PLXND1: variants seen among roughly 807,000 people sequenced by gnomAD.
The protein encoded by PLXND1 is plexin D1.
A neutral mutation model predicts 197.7 loss-of-function variants in PLXND1; 54 were observed. The ratio of observed to expected loss-of-function variants is 0.27; its 90% confidence interval spans 0.22 to 0.34. PLXND1 has a LOEUF of 0.34. Ranked by LOEUF, PLXND1 falls within the 10% of genes least tolerant of loss-of-function variation. PLXND1 has a pLI of 1.00. For synonymous variants in PLXND1, 1,180 were observed against 1,161.2 expected, an observed-to-expected ratio of 1.02 and a Z score of -0.33; for missense variants, 2,127 against 2,699.2, an observed-to-expected ratio of 0.79 and a Z score of 4.70.
In PLXND1 at chr3:129,572,831, C is replaced by T. The variant is rs754940239; in HGVS notation, c.2937+11G>A. ...GGGCGGGCCGGACAGTGGGCTGCAG[C>T]CCCCCCTTACCACGTAGGAGAAGCG... On this transcript the variant is annotated intron_variant, in intron 14 of 35. Transcript: ENST00000324093. 1 of 1,603,476 alleles carries T rather than the reference C, an allele frequency of 6.2e-7. No individual in the cohort carries two copies. Among genetic ancestry groups the T allele is most frequent in the Non-Finnish European group, 8.5e-7 (1 of 1,177,058 alleles).
rs773416517 is a variant in PLXND1 at position 129,558,391 on chromosome 3, T to C, written c.5445+37A>G. On this transcript the variant is annotated intron_variant, in intron 33 of 35. Coordinates refer to ENST00000324093, the MANE Select transcript of PLXND1 (RefSeq NM_015103.3). The surrounding 1 kb of genome is among the most constrained non-coding windows in gnomAD (Gnocchi z 4.1). The stretch of plus-strand genomic sequence containing the variant: ...CATGGTCGGCACCCCACTCTGGCCC[T>C]GTGCATGGGCCTGGCCTGGTCCTGG... 1 of 1,593,946 alleles carries C rather than the reference T, an allele frequency of 6.3e-7. No homozygotes were observed. Among genetic ancestry groups the C allele is most frequent in the Non-Finnish European group, 8.6e-7 (1 of 1,166,568 alleles).
At chr3:129,584,085 T>C (rs1038930830) in intron 7 of PLXND1, 40 bp downstream of exon 7, 13 of 1,348,318 alleles carry the variant, frequency 9.6e-6, no homozygotes, top group Admixed American at 4.0e-5. Context: ...GATGCGTTCC[T>C]CCCTCCACCA....
intron 19 of PLXND1, among the ~76,000 whole-genome samples, chr3:129,570,297 G>C (rs1364847691): frequency 2.0e-5 from 3 of 152,160 alleles, no homozygotes; most frequent in Admixed American, 1.3e-4. Context: ...CTGGGACCAG[G>C]GGGTAGGTGA....
chr3:129,565,705 C>T (rs1350177343), intron 24 of PLXND1, among the ~76,000 whole-genome samples, 167 bp from the exon 25 acceptor site: 1 of 152,172 alleles, frequency 6.6e-6, no homozygotes, highest in Non-Finnish European at 1.5e-5. Flanking sequence ...AAACAGCCAC[C>T]TTCTTCTACG....
At position 129,577,215 on chromosome 3, in the gene PLXND1, G is replaced by T. The variant is rs1196949206; in HGVS notation, c.2346+1114C>A. Reference sequence around the variant, plus strand: ...CCCAGGGTGTAGGCTCAGCAAACAGGCCCCCACCGCTGGGCCTGACTTCAG... The same window carrying T: ...CCCAGGGTGTAGGCTCAGCAAACAGTCCCCCACCGCTGGGCCTGACTTCAG... On this transcript the variant is annotated intron_variant, in intron 9 of 35. Coordinates refer to ENST00000324093, the MANE Select transcript of PLXND1 (RefSeq NM_015103.3). This position sits in a 1 kb window ranked among gnomAD's most constrained non-coding sequence, Gnocchi z 5.0. 6.6e-6 allele frequency among the ~76,000 whole-genome samples: 1 copy of T among 152,038 alleles called. No individual in the cohort carries two copies. The highest frequency in any genetic ancestry group is 1.5e-5 in the Non-Finnish European group (1 of 67,986).
Position 129,565,532 on chromosome 3 carries a change from G to A in PLXND1, c.4329C>T (p.Ser1443=). 1 of 1,612,716 alleles carries A rather than the reference G, an allele frequency of 6.2e-7. No individual in the cohort carries two copies. The highest frequency in any genetic ancestry group is 8.5e-7 in the Non-Finnish European group (1 of 1,179,248). The change falls in exon 25 of 36, where the codon AGC becomes AGT. Residue 1443 remains serine, a synonymous_variant. Transcript: ENST00000324093. ...GCGCGATGGTCAGCAGCGAGGCCAG[G>A]CTGCACCTGTGAGCGGGAGGCAGGT... ...QKDFAVRDRC[S]LASLLTIALH...
At position 129,606,545 on chromosome 3, in the gene PLXND1, G is replaced by T. The variant is rs753372701; in HGVS notation, c.95C>A (p.Pro32Gln). ...PFQTPPRCPV[P>Q]LLLLLLLGAA... ...CCCCAGGAGCAGCAGCAACAGCAGC[G>T]GCACCGGGCACCGCGGCGGCGTCTG... Residue 32 changes from proline (P) to glutamine (Q), a missense_variant, in exon 1 of 36, where the codon CCG (proline) becomes CAG (glutamine). Physicochemically the swap from Pro to Gln is moderately conservative, Grantham distance 76. Around this residue, in one of 6 missense-constraint regions of PLXND1, gnomAD observed 245 missense variants for 267.1 expected, o/e 0.92. Transcript: ENST00000324093. 9 of 1,288,512 alleles carry T rather than the reference G, an allele frequency of 7.0e-6. No homozygotes were observed. Among genetic ancestry groups the T allele is most frequent in the Admixed American group, 4.1e-5 (1 of 24,432 alleles). The allele number at this position is 1,288,512 out of a possible 1,614,324, so 79.8% of individuals were successfully genotyped here. A position where few individuals can be genotyped will look rare whatever the true frequency, so the allele number is the denominator to read the frequency against.
intron 8 of PLXND1, among the ~76,000 whole-genome samples, chr3:129,579,005 G>T (rs947960716): frequency 6.6e-6 from 1 of 152,168 alleles, no homozygotes; most frequent in East Asian, 1.9e-4. Context: ...CCCACAGCCC[G>T]GGTATAAGTC....
intron 30 of PLXND1, 23 bp downstream of exon 30, chr3:129,560,666 C>CG: frequency 6.3e-7 from 1 of 1,587,340 alleles, no homozygotes; most frequent in South Asian, 1.1e-5. Flanking sequence ...CTGGATCCCC[C>CG]GGGGCCGAGG....
At chr3:129,589,330 C>CCCA in intron 2 of PLXND1, 21 bp downstream of exon 2, 1 of 1,413,014 alleles carries the variant, frequency 7.1e-7, no homozygotes, top group Admixed American at 1.9e-5. Context: ...ACCCCCTCCC[C>CCCA]ACATCCCCAA....
rs376962737 is a variant in PLXND1 at position 129,557,975 on chromosome 3, G to A, written c.5445+453C>T. On this transcript the variant is annotated intron_variant, in intron 33 of 35. Transcript: ENST00000324093. This position sits in a 1 kb window ranked among gnomAD's most constrained non-coding sequence, Gnocchi z 4.8. ...CAGCCTTGTGTGCCCCCAACACACC[G>A]CATGAATCTCAGAGCTCCTAGCCAC... 1.7e-4 allele frequency among the ~76,000 whole-genome samples: 26 copies of A among 152,242 alleles called. No homozygotes were observed. The South Asian group carries it at 2.1e-3, about 12-fold the overall frequency.
intron 1 of PLXND1, among the ~76,000 whole-genome samples, chr3:129,598,018 G>A: frequency 6.6e-6 from 1 of 152,144 alleles, no homozygotes; most frequent in Non-Finnish European, 1.5e-5. Flanking sequence ...CAGACCAGCA[G>A]CCACAGGGTC....
intron 1 of PLXND1, among the ~76,000 whole-genome samples, chr3:129,603,719 T>C (rs1350421579): frequency 6.6e-6 from 1 of 152,122 alleles, no homozygotes; most frequent in African/African-American, 2.4e-5. Flanking sequence ...GAATCTGCAT[T>C]TTCTCAAAGC....
chr3:129,586,106 A>T, intron 4 of PLXND1, 25 bp from the exon 5 acceptor site: 1 of 1,613,300 alleles, frequency 6.2e-7, no homozygotes, highest in Non-Finnish European at 8.5e-7. Context: ...CAGGGTCAGG[A>T]CCCAGGTCAG....
At chr3:129,572,541 A>T in intron 15 of PLXND1, 68 bp downstream of exon 15, 1 of 1,360,100 alleles carries the variant, frequency 7.4e-7, no homozygotes, top group Non-Finnish European at 9.7e-7. Flanking sequence ...TGTCACCTCC[A>T]GCCCGCCAGC....
intron 25 of PLXND1, among the ~76,000 whole-genome samples, chr3:129,564,303 A>C (rs1279822034): frequency 6.6e-6 from 1 of 152,250 alleles, no homozygotes; most frequent in Admixed American, 6.5e-5. Context: ...GAGGGCAATG[A>C]GTAGCCCAGA....
chr3:129,596,381 G>A (rs750881600), intron 1 of PLXND1, among the ~76,000 whole-genome samples: 1 of 152,190 alleles, frequency 6.6e-6, no homozygotes, highest in Non-Finnish European at 1.5e-5. Context: ...CCATTGTTTA[G>A]TTAGCTGGAC....
At position 129,558,503 on chromosome 3, in the gene PLXND1, G is replaced by A; in HGVS notation, c.5370C>T (p.His1790=). The A allele has an allele frequency of 6.2e-7, 1 of 1,614,058 alleles. No homozygotes were observed. The highest frequency in any genetic ancestry group is 2.2e-5 in the East Asian group (1 of 44,884). ...QFVFDIDKTD[H]IDACLSVIAQ... ...CGATGACTGAAAGGCAGGCGTCGAT[G>A]TGGTCTGTCTTGTCGATGTCAAAGA... is the stretch of plus-strand genomic sequence containing the variant. Residue 1790 remains histidine (H), a synonymous_variant, in exon 33 of 36, where the codon CAC becomes CAT. Transcript: ENST00000324093. The surrounding 1 kb of genome is among the most constrained non-coding windows in gnomAD (Gnocchi z 4.1).
rs757936121 is a variant in PLXND1 at position 129,589,434 on chromosome 3, G to A, written c.1405C>T (p.Pro469Ser). 3 of 1,611,852 alleles carry A rather than the reference G, an allele frequency of 1.9e-6. No homozygotes were observed. In the South Asian group the frequency reaches 3.3e-5, roughly 18 times the overall value. ...PLKATPVFRA[P>S]GLTSVAVASV... ...GCCACGGCCACGGAGGTGAGGCCCG[G>A]GGCGCGGAACACGGGCGTGGCCTTC... The change falls in exon 2 of 36, where the codon CCG (proline) becomes TCG (serine). Residue 469 changes from proline (P) to serine (S), a missense_variant. Physicochemically the swap from Pro to Ser is moderately conservative, Grantham distance 74. Around this residue, in one of 6 missense-constraint regions of PLXND1, gnomAD observed 1,095 missense variants for 1,259.8 expected, o/e 0.87. Transcript: ENST00000324093.
Sources: gnomAD v4.1 joint callset for allele counts (sites outside exome capture counted in the v4.1 genomes callset) on GRCh38, gnomAD v4.1.1 for gene constraint, gnomAD v4.1.1 regional missense constraint, Gnocchi (gnomAD v3.1) non-coding constraint, MANE v1.5 for transcripts, NCBI Gene and HGNC (gene_info 2026-07-23, HGNC 2026-07-21) for gene names.